Variants in ZNF804A observed in about 807,000 individuals in gnomAD.
The protein encoded by ZNF804A is zinc finger protein 804A.
Under a neutral mutation model 16.5 loss-of-function variants are expected in ZNF804A, and 2 were observed. The ratio of observed to expected loss-of-function variants is 0.12; its 90% CI spans 0.05 to 0.38. The LOEUF (loss-of-function observed/expected upper bound fraction) is 0.38. ZNF804A is among the 10% of genes least tolerant of loss of function. The pLI, the probability that ZNF804A is intolerant of heterozygous loss-of-function variation, is 0.99. For synonymous variants in ZNF804A, 534 were observed against 489.6 expected (o/e 1.09, Z -1.20); for missense variants, 1,473 against 1,390.7 (o/e 1.06, Z -0.94).
intron 2 of ZNF804A, among the ~76,000 whole-genome samples, chr2:184,921,005 T>C (rs574937244): frequency 6.6e-6 from 1 of 152,310 alleles, no homozygotes; most frequent in South Asian, 2.1e-4. Flanking sequence ...AGAAAATTCA[T>C]ACACCTTCCC....
intron 1 of ZNF804A, among the ~76,000 whole-genome samples, chr2:184,760,710 C>T (rs913709825): frequency 2.0e-5 from 3 of 152,128 alleles, no homozygotes; most frequent in African/African-American, 7.2e-5. Flanking sequence ...TGGCTACATG[C>T]TTGGAATAAA....
At chr2:184,866,200 T>C (rs189111469) in intron 1 of ZNF804A, among the ~76,000 whole-genome samples, 169 bp from the exon 2 acceptor site, 5 of 152,310 alleles carry the variant, frequency 3.3e-5, no homozygotes, top group East Asian at 3.9e-4. Flanking sequence ...AGTCTTTTAA[T>C]TTTTAAGTTA....
intron 1 of ZNF804A, among the ~76,000 whole-genome samples, chr2:184,675,047 G>A (rs1339105384): frequency 2.0e-5 from 3 of 151,638 alleles, no homozygotes; most frequent in East Asian, 3.9e-4. Flanking sequence ...CGTGAACATG[G>A]CTGTACATGC....
At chr2:184,777,319 T>G (rs1439685185) in intron 1 of ZNF804A, among the ~76,000 whole-genome samples, 1 of 151,760 alleles carries the variant, frequency 6.6e-6, no homozygotes, top group Admixed American at 6.6e-5. Flanking sequence ...TACCCTTCAG[T>G]GTCTTAGTTT....
At chr2:184,626,006 C>G (rs1691489756) in intron 1 of ZNF804A, among the ~76,000 whole-genome samples, 1 of 152,044 alleles carries the variant, frequency 6.6e-6, no homozygotes, top group African/African-American at 2.4e-5. Context: ...GTAGCTGGGA[C>G]TACAGGTGCC....
chr2:184,621,677 C>G (rs757358973), intron 1 of ZNF804A, among the ~76,000 whole-genome samples: 6 of 151,006 alleles, frequency 4.0e-5, no homozygotes, highest in Non-Finnish European at 8.9e-5. Flanking sequence ...ATGCATGTAC[C>G]CCAAAAAAGT....
chr2:184,913,084 C>T (rs1180667494), intron 2 of ZNF804A, among the ~76,000 whole-genome samples: 1 of 151,980 alleles, frequency 6.6e-6, no homozygotes, highest in African/African-American at 2.4e-5. Context: ...TGTTTTTAAT[C>T]AATTTTGAGC....
chr2:184,856,073 T>C (rs940224288), intron 1 of ZNF804A, among the ~76,000 whole-genome samples: 2 of 152,060 alleles, frequency 1.3e-5, no homozygotes, highest in Admixed American at 6.6e-5. Context: ...CAAAATGCTG[T>C]TGTTAATAGT....
intron 1 of ZNF804A, among the ~76,000 whole-genome samples, chr2:184,652,936 A>G (rs1487704599): frequency 6.6e-6 from 1 of 152,132 alleles, no homozygotes; most frequent in Non-Finnish European, 1.5e-5. Flanking sequence ...GGTGTCTTCT[A>G]CTATGATTGT....
At chr2:184,655,478 A>G (rs185153328) in intron 1 of ZNF804A, among the ~76,000 whole-genome samples, 1 of 152,348 alleles carries the variant, frequency 6.6e-6, no homozygotes, top group East Asian at 1.9e-4. Flanking sequence ...GGTGGGATGC[A>G]TTTGATCAAC....
At chr2:184,676,640 T>G (rs765749120) in intron 1 of ZNF804A, among the ~76,000 whole-genome samples, 5 of 151,670 alleles carry the variant, frequency 3.3e-5, no homozygotes, top group Non-Finnish European at 5.9e-5. Flanking sequence ...AAATATAATG[T>G]TTTTTCTGAA....
intron 1 of ZNF804A, among the ~76,000 whole-genome samples, chr2:184,799,364 T>C (rs911820530): frequency 1.3e-5 from 2 of 152,076 alleles, no homozygotes; most frequent in Non-Finnish European, 2.9e-5. Flanking sequence ...TTAGTGATGG[T>C]GTATTATGTT....
chr2:184,689,217 T>C (rs1181916008), intron 1 of ZNF804A, among the ~76,000 whole-genome samples: 1 of 152,162 alleles, frequency 6.6e-6, no homozygotes, highest in African/African-American at 2.4e-5. Context: ...ATCAGAAATA[T>C]TGATCTCACC....
rs188136722 is a variant in ZNF804A at position 184,675,463 on chromosome 2, A to G, written c.111+76393A>G. 4.6e-5 allele frequency among the ~76,000 whole-genome samples: 7 copies of G among 151,874 alleles called. No homozygotes were observed. In the East Asian group the frequency reaches 1.2e-3, roughly 25 times the overall value. On this transcript the variant is annotated intron_variant, in intron 1 of 3. Transcript: ENST00000302277. ...TATATTTTATTTAATTTTCTTGCAT[A>G]TGTTTGATAATTCTTTTTAAATAAA... is the stretch of plus-strand genomic sequence containing the variant.
At chr2:184,907,811 T>C (rs1685300013) in intron 2 of ZNF804A, among the ~76,000 whole-genome samples, 1 of 152,132 alleles carries the variant, frequency 6.6e-6, no homozygotes, top group Admixed American at 6.6e-5. Flanking sequence ...CATTTTGTAG[T>C]TTGAGAAACA....
At chr2:184,788,190 T>C (rs2105777343) in intron 1 of ZNF804A, among the ~76,000 whole-genome samples, 1 of 152,224 alleles carries the variant, frequency 6.6e-6, no homozygotes, top group East Asian at 1.9e-4. Flanking sequence ...TTTGTTCCAA[T>C]GATCTATGTG....
intron 2 of ZNF804A, among the ~76,000 whole-genome samples, chr2:184,875,822 T>C (rs924820847): frequency 1.2e-4 from 18 of 150,842 alleles, no homozygotes; most frequent in Middle Eastern, 3.5e-3. Context: ...AAAAATTTCC[T>C]GTAGACTTCT....
At chr2:184,860,459 C>A (rs557915850) in intron 1 of ZNF804A, among the ~76,000 whole-genome samples, 122 of 152,230 alleles carry the variant, frequency 8.0e-4, no homozygotes, top group Non-Finnish European at 9.0e-4. Context: ...AGGAACTTGC[C>A]TGGAGGCTGA....
intron 1 of ZNF804A, among the ~76,000 whole-genome samples, chr2:184,859,881 C>T (rs1398182990): frequency 6.6e-6 from 1 of 152,206 alleles, no homozygotes; most frequent in Non-Finnish European, 1.5e-5. Context: ...CTATGGCTTT[C>T]CTAAGCCTGT....
Sources: gnomAD v4.1 joint callset for allele counts (sites outside exome capture counted in the v4.1 genomes callset) on GRCh38, gnomAD v4.1.1 for gene constraint, MANE v1.5 for transcripts, NCBI Gene and HGNC (gene_info 2026-07-23, HGNC 2026-07-21) for gene names.